OGT: variants seen among roughly 807,000 people sequenced by gnomAD.
OGT encodes the protein UDP-N-acetylglucosamine--peptide N-acetylglucosaminyltransferase 110 kDa subunit.
In OGT, 3 loss-of-function variants were observed where a neutral mutation model predicts 75.8. The observed-to-expected ratio is 0.04, with a 90% CI of 0.02 to 0.10. The LOEUF is 0.10. OGT is among the 10% of genes least tolerant of loss of function. The pLI is 1.00. For synonymous variants in OGT, 257 were observed against 289.7 expected, an observed-to-expected ratio of 0.89 and a Z score of 1.15; for missense variants, 260 against 824.4, an observed-to-expected ratio of 0.32 and a Z score of 8.38.
chrX:71,559,744 G>GT, intron 14 of OGT, 67 bp downstream of exon 14: 2 of 844,889 alleles, frequency 2.4e-6, no homozygotes, highest in Non-Finnish European at 3.4e-6. Flanking sequence ...TTAGCATATA[G>GT]TTTATTTTTG....
intron 1 of OGT, among the ~76,000 whole-genome samples, chrX:71,533,754 C>T (rs1051192178): frequency 6.4e-5 from 7 of 109,467 alleles, no homozygotes; most frequent in African/African-American, 2.3e-4. Flanking sequence ...CTTCATCTCC[C>T]CCCCCAGTCT....
rs2040393821 is a variant in OGT, at chrX:71,562,915, A to G, written c.2046A>G (p.Glu682=). 2 of 1,207,274 alleles carry G rather than the reference A, an allele frequency of 1.7e-6. No individual in the cohort carries two copies. The highest frequency in any genetic ancestry group is 2.2e-6 in the Non-Finnish European group (2 of 893,453). ...LFMDYIITDQ[E]TSPAEVAEQY... ...TGGATTATATTATCACTGATCAGGAAACTTCGCCAGCTGAAGTTGCTGAGC... is the reference window on the plus strand; with the variant it reads ...TGGATTATATTATCACTGATCAGGAGACTTCGCCAGCTGAAGTTGCTGAGC... Residue 682 remains glutamate (E), a synonymous_variant, in exon 16 of 22, where the codon GAA becomes GAG. Transcript: ENST00000373719.
rs1942364654 is a variant in OGT, at chrX:71,573,823, A to G, written c.*29A>G. 1 of 1,114,576 alleles carries G rather than the reference A, an allele frequency of 9.0e-7. No homozygotes were observed. Among genetic ancestry groups the G allele is most frequent in the Non-Finnish European group, 1.2e-6 (1 of 830,216 alleles). The allele number at this position is 1,114,576 out of a possible 1,213,427, so 91.9% of individuals were successfully genotyped here. A position where few individuals can be genotyped will look rare whatever the true frequency, so the allele number is the denominator to read the frequency against. ...AAGACTGCACAGGAGAATTACCCCTATACCTGAGCCTCAACCTTCTGGGGG... is the reference window on the plus strand; with the variant it reads ...AAGACTGCACAGGAGAATTACCCCTGTACCTGAGCCTCAACCTTCTGGGGG... On this transcript the variant is annotated 3_prime_UTR_variant, in exon 22 of 22. Transcript: ENST00000373719.
intron 7 of OGT, 21 bp downstream of exon 7, chrX:71,555,406 T>C: frequency 8.5e-7 from 1 of 1,181,273 alleles, no homozygotes; most frequent in Non-Finnish European, 1.1e-6. Flanking sequence ...TTACTCATTC[T>C]ATTTGTTATC....
intron 4 of OGT, 51 bp downstream of exon 4, chrX:71,544,686 C>T (rs915065420): frequency 3.9e-6 from 4 of 1,025,060 alleles, no homozygotes; most frequent in Non-Finnish European, 5.4e-6. Flanking sequence ...AAAACTTGTA[C>T]TTTTTGCCAA....
intron 19 of OGT, among the ~76,000 whole-genome samples, chrX:71,565,016 G>A (rs1330536249): frequency 3.6e-5 from 4 of 110,831 alleles, no homozygotes; most frequent in African/African-American, 9.8e-5. Flanking sequence ...AAAATTAGCC[G>A]GACATGGTGG....
rs1359623398 is a variant in OGT, at chrX:71,533,197, T to C, written c.-103T>C. ...CCGCTCAAGCCCTCCAGAGCATTGC[T>C]ACGGCTGCTGCCCTTGTACTACTAC... On this transcript the variant is annotated 5_prime_UTR_variant, in exon 1 of 22. Coordinates refer to ENST00000373719, the MANE Select transcript of OGT (RefSeq NM_181672.3). The C allele has an allele frequency of 3.6e-6, 3 of 836,355 alleles. No homozygotes were observed. In the African/African-American group the frequency reaches 6.1e-5, roughly 17 times the overall value. 68.9% of individuals were successfully genotyped at this position (836,355 alleles called of 1,213,427 possible).
chrX:71,564,766 G>C lies in OGT; in HGVS notation c.2589+13G>C, dbSNP rs1177497446. 1 of 1,149,975 alleles carries C rather than the reference G, an allele frequency of 8.7e-7. No individual in the cohort carries two copies. Among genetic ancestry groups the C allele is most frequent in the South Asian group, 1.9e-5 (1 of 52,426 alleles). 94.8% of individuals were successfully genotyped at this position (1,149,975 alleles called of 1,213,427 possible). On this transcript the variant is annotated intron_variant, in intron 19 of 21. Coordinates refer to ENST00000373719, the MANE Select transcript of OGT (RefSeq NM_181672.3). The stretch of plus-strand genomic sequence containing the variant: ...GATGTGGGCAAACGTGAGTATGCAA[G>C]TATGTTAGAGACTAATAAAGATTTT...
intron 4 of OGT, chrX:71,546,322 T>G (rs985705108): frequency 4.0e-6 from 3 of 752,879 alleles, no homozygotes; most frequent in Admixed American, 8.8e-5. Flanking sequence ...TTTTGGTTTT[T>G]CACCATTGAT....
chrX:71,553,100 A>AT (rs1264224432), intron 5 of OGT, among the ~76,000 whole-genome samples: 12 of 109,591 alleles, frequency 1.1e-4, no homozygotes, highest in South Asian at 7.7e-4. Context: ...TTCTTTCTTT[A>AT]TTTTTTTTTG....
intron 14 of OGT, among the ~76,000 whole-genome samples, chrX:71,560,306 T>C (rs1302623186): frequency 9.3e-6 from 1 of 107,686 alleles, no homozygotes; most frequent in Non-Finnish European, 1.9e-5. Flanking sequence ...AAAAAATAGA[T>C]GAACTATGGT....
chrX:71,554,462 C>T (rs1391572967), intron 5 of OGT, 51 bp from the exon 6 acceptor site: 1 of 890,852 alleles, frequency 1.1e-6, no homozygotes, highest in African/African-American at 2.0e-5. Flanking sequence ...GGAAGTTGAT[C>T]TGGTGAAATC....
chrX:71,544,084 C>T (rs1196823459), intron 3 of OGT, among the ~76,000 whole-genome samples: 1 of 110,283 alleles, frequency 9.1e-6, no homozygotes, highest in Non-Finnish European at 1.9e-5. Flanking sequence ...CCACGCCCGG[C>T]CTGATATATA....
intron 5 of OGT, among the ~76,000 whole-genome samples, chrX:71,549,295 CAAAAAA>C (rs35779562): frequency 1.8e-4 from 4 of 21,838 alleles, no homozygotes; most frequent in Middle Eastern, 0.043. Flanking sequence ...GGCCCTGTCT[CAAAAAA>C]AAAAAAAAAA....
intron 3 of OGT, among the ~76,000 whole-genome samples, chrX:71,540,659 A>G (rs1379072632): frequency 1.9e-5 from 2 of 106,996 alleles, no homozygotes; most frequent in East Asian, 2.9e-4. Flanking sequence ...TTTTGGTAAG[A>G]TTTTAGTCTG....
At position 71,563,163 on chromosome X, in the gene OGT, C is replaced by T; in HGVS notation, c.2182C>T (p.His728Tyr). The T allele has an allele frequency of 1.7e-6, 2 of 1,211,003 alleles. No individual in the cohort carries two copies. The highest frequency in any genetic ancestry group is 2.2e-6 in the Non-Finnish European group (2 of 894,637). Residue 728 changes from histidine (H) to tyrosine (Y), a missense_variant, in exon 17 of 22, where the codon CAC becomes TAC. Physicochemically the swap from His to Tyr is moderately conservative, Grantham distance 83. Transcript: ENST00000373719. ...KAVIDFKSNGHIYDNRIVLNG... is the reference protein window; with the variant it reads ...KAVIDFKSNGYIYDNRIVLNG... The stretch of plus-strand genomic sequence containing the variant: ...AGTCATCGATTTTAAGTCCAATGGG[C>T]ACATTTATGACAATCGGATAGTTCT...
Position 71,538,039 on chromosome X carries a change from A to G in OGT, c.429A>G (p.Val143=). The change falls in exon 3 of 22, where the codon GTA becomes GTG. Residue 143 remains valine, a synonymous_variant. Coordinates refer to ENST00000373719, the MANE Select transcript of OGT (RefSeq NM_181672.3). ...LVAAGDMEGA[V]QAYVSALQYN... ...CAGCGGGTGACATGGAAGGGGCAGT[A>G]CAAGCTTACGTCTCTGCTCTTCAGT... is the stretch of plus-strand genomic sequence containing the variant. 3 of 1,211,842 alleles carry G rather than the reference A, an allele frequency of 2.5e-6. No homozygotes were observed. The highest frequency in any genetic ancestry group is 3.4e-6 in the Non-Finnish European group (3 of 895,376).
intron 15 of OGT, 151 bp downstream of exon 15, chrX:71,562,051 AAG>A (rs2040388262): frequency 1.9e-5 from 10 of 516,047 alleles, no homozygotes; most frequent in Non-Finnish European, 3.0e-5. Context: ...ACAGGACAAA[AAG>A]AGTGTAGAGC....
At chrX:71,562,195 G>A (rs904624859) in intron 15 of OGT, among the ~76,000 whole-genome samples, 1 of 112,616 alleles carries the variant, frequency 8.9e-6, no homozygotes, top group Non-Finnish European at 1.9e-5. Context: ...CGGGTATGGT[G>A]GCTCACGCCT....
Sources: gnomAD v4.1 joint callset for allele counts (sites outside exome capture counted in the v4.1 genomes callset) on GRCh38, gnomAD v4.1.1 for gene constraint, MANE v1.5 for transcripts, NCBI Gene and HGNC (gene_info 2026-07-23, HGNC 2026-07-21) for gene names.